Variants in DNMT3A observed in about 807,000 individuals in gnomAD.
The protein encoded by DNMT3A is DNA methyltransferase 3 alpha.
In DNMT3A, 267 loss-of-function variants were observed where a neutral mutation model predicts 117.6. The ratio of observed to expected loss-of-function variants is 2.27; its 90% CI spans 2.05 to 2.51. The LOEUF is 2.51. Among genes scored for constraint, DNMT3A ranks in the 30% most tolerant of loss-of-function variants. The pLI is 0.00. For missense variants in DNMT3A, 1,029 were observed against 1,260.2 expected (o/e 0.82, Z 2.78); for synonymous variants, 432 against 474.8 (o/e 0.91, Z 1.17).
intron 6 of DNMT3A, among the ~76,000 whole-genome samples, chr2:25,265,133 A>G (rs1032284168): frequency 1.3e-5 from 2 of 152,202 alleles, no homozygotes; most frequent in Non-Finnish European, 2.9e-5. Context: ...TCATGAAAAA[A>G]CAGCAATTCA....
intron 3 of DNMT3A, among the ~76,000 whole-genome samples, chr2:25,284,906 G>A (rs759649357): frequency 8.6e-5 from 13 of 151,968 alleles, no homozygotes; most frequent in Non-Finnish European, 1.9e-4. Flanking sequence ...CATACTAGTC[G>A]TAATGTTCTG....
intron 1 of DNMT3A, among the ~76,000 whole-genome samples, chr2:25,334,777 GAA>G (rs571396848): frequency 5.3e-5 from 8 of 152,154 alleles, no homozygotes; most frequent in Non-Finnish European, 1.2e-4. Context: ...AACCTTTCCG[GAA>G]AAGACACGTA....
chr2:25,259,722 C>G (rs1015296299), intron 6 of DNMT3A, among the ~76,000 whole-genome samples: 1 of 151,600 alleles, frequency 6.6e-6, no homozygotes, highest in South Asian at 2.1e-4. Flanking sequence ...CCCCACCCTT[C>G]CCCCACCCCT....
chr2:25,247,959 AGGAGAG>A lies in DNMT3A; in HGVS notation c.855+72_855+77del. ...CGAGCGGCCCGTGGGAGATGGAGAGAGGAGAGCAGGACGGGAGGAGCTGGCAGTGGA... is the reference window on the plus strand; with the variant it reads ...CGAGCGGCCCGTGGGAGATGGAGAGACAGGACGGGAGGAGCTGGCAGTGGA... On this transcript the variant is annotated intron_variant, in intron 7 of 22. Coordinates refer to ENST00000321117, the MANE Select transcript of DNMT3A (RefSeq NM_022552.5). The surrounding 1 kb of genome is among the most constrained non-coding windows in gnomAD (Gnocchi z 5.6). The A allele has an allele frequency of 6.3e-7, 1 of 1,591,852 alleles. No homozygotes were observed. Among genetic ancestry groups the A allele is most frequent in the South Asian group, 1.1e-5 (1 of 89,740 alleles).
chr2:25,244,627 TG>T lies in DNMT3A; in HGVS notation c.1579del (p.Gln527SerfsTer124), dbSNP rs2149292237. The T allele has an allele frequency of 1.2e-6, 2 of 1,614,118 alleles. No individual in the cohort carries two copies. The highest frequency in any genetic ancestry group is 8.5e-7 in the Non-Finnish European group (1 of 1,180,002). ...CKNCFLECAYQYDDDGYQSYC... is the reference protein window; with the variant it reads ...CKNCFLECAYXYDDDGYQSYC... ...GGACTGGTAGCCGTCGTCGTCGTAC[TG>T]GTACGCACACTCCAGAAAGCAGTTC... On this transcript the variant is annotated frameshift_variant, in exon 14 of 23. Transcript: ENST00000321117. LOFTEE classifies it high-confidence loss of function.
chr2:25,237,150 C>T lies in DNMT3A; in HGVS notation c.2409-145G>A. ...CCCAAATCACGCACACACGTCATAACTCTCTTCAAACTCCCCGCAAACACA... is the reference window on the plus strand; with the variant it reads ...CCCAAATCACGCACACACGTCATAATTCTCTTCAAACTCCCCGCAAACACA... On this transcript the variant is annotated intron_variant, in intron 20 of 22. Transcript: ENST00000321117. This position sits in a 1 kb window ranked among gnomAD's most constrained non-coding sequence, Gnocchi z 5.4. 1.4e-6 allele frequency: 1 copy of T among 713,958 alleles called. No individual in the cohort carries two copies. The highest frequency in any genetic ancestry group is 2.3e-6 in the Non-Finnish European group (1 of 432,434). The allele number at this position is 713,958 out of a possible 1,614,324, so 44.2% of individuals were successfully genotyped here. A position where few individuals can be genotyped will look rare whatever the true frequency, so the allele number is the denominator to read the frequency against.
chr2:25,296,016 G>C lies in DNMT3A; in HGVS notation c.177+4123C>G, dbSNP rs1316432875. ...CAGTGCACCAAGAAATGATACGGTT[G>C]TAAAATATAAAATCACAGCACGTGG... On this transcript the variant is annotated intron_variant, in intron 3 of 22. Coordinates refer to ENST00000321117, the MANE Select transcript of DNMT3A (RefSeq NM_022552.5). This position sits in a 1 kb window ranked among gnomAD's most constrained non-coding sequence, Gnocchi z 4.2. Among the ~76,000 whole-genome samples, 3 of 152,188 alleles carry C rather than the reference G, an allele frequency of 2.0e-5. No individual in the cohort carries two copies. The highest frequency in any genetic ancestry group is 7.2e-5 in the African/African-American group (3 of 41,434).
rs2149434741 is a variant in DNMT3A at position 25,318,685 on chromosome 2, T to A, written c.-177-4524A>T. ...GTGTGAGAGTAAAATAAAGACATTT[T>A]CTTTTTTCTTTTCTTTTTTTTTTTT... is the stretch of plus-strand genomic sequence containing the variant. On this transcript the variant is annotated intron_variant, in intron 1 of 22. Coordinates refer to ENST00000321117, the MANE Select transcript of DNMT3A (RefSeq NM_022552.5). Among the ~76,000 whole-genome samples the A allele has an allele frequency of 1.3e-5, 2 of 151,910 alleles. 1 individual carries two copies. The highest frequency in any genetic ancestry group is 4.2e-4 in the South Asian group (2 of 4,806).
chr2:25,245,899 A>G (rs1393245558), intron 12 of DNMT3A, 121 bp downstream of exon 12: 32 of 1,231,028 alleles, frequency 2.6e-5, no homozygotes, highest in Non-Finnish European at 3.6e-5. Context: ...AGCACGGTGA[A>G]GGTGGTGTGA....
At chr2:25,250,583 A>T (rs1390594624) in intron 6 of DNMT3A, among the ~76,000 whole-genome samples, 1 of 152,158 alleles carries the variant, frequency 6.6e-6, no homozygotes, top group Non-Finnish European at 1.5e-5. Flanking sequence ...CCCTACGAGA[A>T]GGTGCACTGA....
intron 6 of DNMT3A, chr2:25,251,877 G>A: frequency 2.3e-6 from 1 of 426,970 alleles, no homozygotes. Flanking sequence ...CCAACTCCTG[G>A]GCCACCAGCT....
chr2:25,252,021 G>T lies in DNMT3A; in HGVS notation c.640-3769C>A. 3.8e-6 allele frequency: 3 copies of T among 797,562 alleles called. No individual in the cohort carries two copies. The highest frequency in any genetic ancestry group is 5.6e-6 in the Non-Finnish European group (3 of 534,320). 49.4% of individuals were successfully genotyped at this position (797,562 alleles called of 1,614,324 possible). ...GGGCTCGTGGGCAGGAAGGCGGCGGGCCAGCACTAAGTCAGCATCTCCAGA... is the reference window on the plus strand; with the variant it reads ...GGGCTCGTGGGCAGGAAGGCGGCGGTCCAGCACTAAGTCAGCATCTCCAGA... On this transcript the variant is annotated intron_variant, in intron 6 of 22. Coordinates refer to ENST00000321117, the MANE Select transcript of DNMT3A (RefSeq NM_022552.5). The surrounding 1 kb of genome is among the most constrained non-coding windows in gnomAD (Gnocchi z 5.5).
intron 6 of DNMT3A, among the ~76,000 whole-genome samples, chr2:25,264,131 G>GTTTTTTTTTTT: frequency 1.6e-5 from 1 of 62,746 alleles, no homozygotes; most frequent in African/African-American, 5.1e-5. Context: ...ACAACCCTTT[G>GTTTTTTTTTTT]GTTTTTTTTT....
At chr2:25,248,696 TACC>T (rs1472197131) in intron 6 of DNMT3A, among the ~76,000 whole-genome samples, 2 of 151,948 alleles carry the variant, frequency 1.3e-5, no homozygotes, top group African/African-American at 4.8e-5. Context: ...TACAGGCATG[TACC>T]ACCACACCTG....
chr2:25,252,163 G>T lies in DNMT3A; in HGVS notation c.640-3911C>A. 1 of 1,556,656 alleles carries T rather than the reference G, an allele frequency of 6.4e-7. No homozygotes were observed. The highest frequency in any genetic ancestry group is 2.5e-5 in the East Asian group (1 of 40,778). ...CCGGCCCTGCCGCCTCCCCGCCCCC[G>T]GTCTCCCCGGGGCTCCGTCCAGGAA... On this transcript the variant is annotated intron_variant, in intron 6 of 22. Coordinates refer to ENST00000321117, the MANE Select transcript of DNMT3A (RefSeq NM_022552.5). This position sits in a 1 kb window ranked among gnomAD's most constrained non-coding sequence, Gnocchi z 5.5.
chr2:25,235,847 G>C, intron 21 of DNMT3A, 22 bp from the exon 22 acceptor site: 2 of 1,599,670 alleles, frequency 1.3e-6, no homozygotes, highest in Non-Finnish European at 1.7e-6. Flanking sequence ...GGAGAAAAGA[G>C]GAATAAGCAC....
At position 25,237,062 on chromosome 2, in the gene DNMT3A, C is replaced by T; in HGVS notation, c.2409-57G>A. 6.4e-7 allele frequency: 1 copy of T among 1,572,706 alleles called. No individual in the cohort carries two copies. Among genetic ancestry groups the T allele is most frequent in the Non-Finnish European group, 8.7e-7 (1 of 1,151,374 alleles). On this transcript the variant is annotated intron_variant, in intron 20 of 22. Coordinates refer to ENST00000321117, the MANE Select transcript of DNMT3A (RefSeq NM_022552.5). This position sits in a 1 kb window ranked among gnomAD's most constrained non-coding sequence, Gnocchi z 5.4. ...AAACCTGGATAACAGCGGGAAGGGCCCCAGCTGCACGACTCCCCTCCCTCC... is the reference window on the plus strand; with the variant it reads ...AAACCTGGATAACAGCGGGAAGGGCTCCAGCTGCACGACTCCCCTCCCTCC...
At chr2:25,309,368 T>G (rs1374813296) in intron 2 of DNMT3A, among the ~76,000 whole-genome samples, 3 of 152,210 alleles carry the variant, frequency 2.0e-5, no homozygotes, top group Non-Finnish European at 4.4e-5. Context: ...GGTAAGAAGC[T>G]GCATGTCTGC....
At chr2:25,271,114 G>A (rs1269229717) in intron 6 of DNMT3A, among the ~76,000 whole-genome samples, 1 of 152,072 alleles carries the variant, frequency 6.6e-6, no homozygotes, top group Non-Finnish European at 1.5e-5. Context: ...GGAGGCCAAG[G>A]CGGGCAGATC....
Sources: gnomAD v4.1 joint callset for allele counts (sites outside exome capture counted in the v4.1 genomes callset) on GRCh38, gnomAD v4.1.1 for gene constraint, Gnocchi (gnomAD v3.1) non-coding constraint, MANE v1.5 for transcripts, NCBI Gene and HGNC (gene_info 2026-07-23, HGNC 2026-07-21) for gene names.